The following MAGI2 variants were observed in gnomAD, a reference collection of about 807,000 sequenced individuals.
The protein encoded by MAGI2 is membrane associated guanylate kinase, WW and PDZ domain containing 2, also known as membrane-associated guanylate kinase, WW and PDZ domain-containing protein 2.
In MAGI2, 35 loss-of-function variants were observed where a neutral mutation model predicts 133.3. The observed-to-expected ratio is 0.26, with a 90% confidence interval of 0.20 to 0.35. The LOEUF is 0.35. Among genes scored for constraint, MAGI2 ranks in the 10% least tolerant of loss-of-function variants. MAGI2 has a pLI of 1.00. For synonymous variants in MAGI2, 729 were observed against 710.6 expected (o/e 1.03, Z -0.41); for missense variants, 1,636 against 1,863.4 (o/e 0.88, Z 2.25).
At chr7:79,074,320 T>C (rs559593555) in intron 1 of MAGI2, among the ~76,000 whole-genome samples, 3 of 152,322 alleles carry the variant, frequency 2.0e-5, no homozygotes, top group Admixed American at 2.0e-4. Flanking sequence ...TAATATTCTA[T>C]TTTATTCTTC....
chr7:79,255,075 A>G (rs1169502262), intron 1 of MAGI2, among the ~76,000 whole-genome samples: 2 of 152,086 alleles, frequency 1.3e-5, no homozygotes, highest in South Asian at 2.1e-4. Flanking sequence ...TATGACACGT[A>G]TTTTTCTATT....
chr7:78,487,238 G>T (rs1793128659), intron 6 of MAGI2: 2 of 208,738 alleles, frequency 9.6e-6, no homozygotes, highest in South Asian at 1.8e-4. Flanking sequence ...GGCTGCACAG[G>T]GAAGGGAAAG....
intron 7 of MAGI2, among the ~76,000 whole-genome samples, chr7:78,362,470 G>C (rs1792928972): frequency 6.6e-6 from 1 of 152,132 alleles, no homozygotes; most frequent in East Asian, 1.9e-4. Flanking sequence ...TGAACTATCA[G>C]AAAAGTTAAG....
intron 1 of MAGI2, among the ~76,000 whole-genome samples, chr7:79,238,305 A>G (rs1023025892): frequency 6.6e-6 from 1 of 152,022 alleles, no homozygotes; most frequent in Admixed American, 6.6e-5. Context: ...CATCAAATAT[A>G]TCTTCCTCTT....
intron 6 of MAGI2, among the ~76,000 whole-genome samples, chr7:78,380,733 A>C (rs1441429463): frequency 2.0e-5 from 3 of 152,298 alleles, no homozygotes; most frequent in African/African-American, 7.2e-5. Context: ...AAAAATAACC[A>C]AAAGAATATA....
intron 1 of MAGI2, among the ~76,000 whole-genome samples, chr7:79,247,248 A>G (rs1249378001): frequency 6.6e-6 from 1 of 152,182 alleles, no homozygotes; most frequent in Non-Finnish European, 1.5e-5. Context: ...CCAAAAAACA[A>G]TATTATAACA....
At chr7:79,376,050 A>C (rs777680512) in intron 1 of MAGI2, among the ~76,000 whole-genome samples, 34 of 151,768 alleles carry the variant, frequency 2.2e-4, no homozygotes, top group Non-Finnish European at 4.1e-4. Flanking sequence ...TTTTGGTCCA[A>C]AGTATACTTT....
chr7:78,194,411 C>A (rs1367950878), intron 12 of MAGI2, among the ~76,000 whole-genome samples: 1 of 152,048 alleles, frequency 6.6e-6, no homozygotes, highest in Non-Finnish European at 1.5e-5. Context: ...GCATTCGAAA[C>A]CAATTGATTT....
intron 1 of MAGI2, among the ~76,000 whole-genome samples, chr7:79,205,127 T>C (rs1828933184): frequency 6.6e-6 from 1 of 150,926 alleles, no homozygotes; most frequent in Non-Finnish European, 1.5e-5. Flanking sequence ...ATTAGGAAGG[T>C]CAAAATTCTC....
chr7:78,093,822 G>A (rs1369742405), intron 20 of MAGI2, among the ~76,000 whole-genome samples: 1 of 151,982 alleles, frequency 6.6e-6, no homozygotes, highest in Non-Finnish European at 1.5e-5. Flanking sequence ...GCTTGTTACG[G>A]AGTTGTGAAC....
chr7:78,564,844 A>C (rs1024856986), intron 3 of MAGI2, among the ~76,000 whole-genome samples: 1 of 112,244 alleles, frequency 8.9e-6, no homozygotes, highest in Non-Finnish European at 1.6e-5. Flanking sequence ...CCCAGGCTGG[A>C]GTGCAGTGGC....
rs1563188965 is a variant in MAGI2 at position 78,573,291 on chromosome 7, A to ATATATATTT, written c.539-51647_539-51646insAAATATATA. On this transcript the variant is annotated intron_variant, in intron 3 of 21. Coordinates refer to ENST00000354212, the MANE Select transcript of MAGI2 (RefSeq NM_012301.4). ...ATATATAAATATATATATTTATATA[A>ATATATATTT]ATATATATATTTATATATATAAATA... Among the ~76,000 whole-genome samples the ATATATATTT allele has an allele frequency of 3.7e-5, 2 of 53,354 alleles. 1 individual carries two copies. Among genetic ancestry groups the ATATATATTT allele is most frequent in the South Asian group, 1.1e-3 (2 of 1,842 alleles). 35.0% of individuals were successfully genotyped at this position (53,354 alleles called of 152,430 possible).
At chr7:79,035,972 T>C (rs1201120308) in intron 1 of MAGI2, among the ~76,000 whole-genome samples, 2 of 152,192 alleles carry the variant, frequency 1.3e-5, no homozygotes, top group African/African-American at 4.8e-5. Context: ...AATAGAAATA[T>C]GTAAGGTGAG....
intron 2 of MAGI2, among the ~76,000 whole-genome samples, chr7:78,627,488 T>C (rs551687031): frequency 1.3e-5 from 2 of 152,362 alleles, no homozygotes; most frequent in East Asian, 1.9e-4. Flanking sequence ...TGGCTGCGTA[T>C]ATTTTTCAGT....
chr7:78,455,516 T>C (rs1037629954), intron 6 of MAGI2, among the ~76,000 whole-genome samples: 28 of 152,150 alleles, frequency 1.8e-4, no homozygotes, highest in Non-Finnish European at 4.0e-4. Context: ...TTTCAACCAG[T>C]TTTAAATATG....
intron 6 of MAGI2, among the ~76,000 whole-genome samples, chr7:78,465,929 A>G (rs1019038472): frequency 5.3e-5 from 8 of 152,118 alleles, no homozygotes; most frequent in African/African-American, 1.7e-4. Flanking sequence ...ACAGGAAAAT[A>G]CAGTTTGGGA....
intron 9 of MAGI2, among the ~76,000 whole-genome samples, chr7:78,316,520 A>G (rs1401034993): frequency 6.6e-6 from 1 of 152,262 alleles, no homozygotes. Context: ...TTTGTATGTG[A>G]TAAAACAGAG....
At chr7:78,151,623 A>G (rs1198149980) in intron 16 of MAGI2, among the ~76,000 whole-genome samples, 1 of 152,214 alleles carries the variant, frequency 6.6e-6, no homozygotes, top group Non-Finnish European at 1.5e-5. Context: ...ACCAGGCCCC[A>G]GGCTGACTGC....
At chr7:78,687,602 ATAATT>A (rs1447549639) in intron 2 of MAGI2, among the ~76,000 whole-genome samples, 2 of 152,180 alleles carry the variant, frequency 1.3e-5, no homozygotes. Context: ...GAATGCATTA[ATAATT>A]TAAAAGGTTG....
Sources: gnomAD v4.1 joint callset for allele counts (sites outside exome capture counted in the v4.1 genomes callset) on GRCh38, gnomAD v4.1.1 for gene constraint, MANE v1.5 for transcripts, NCBI Gene and HGNC (gene_info 2026-07-23, HGNC 2026-07-21) for gene names.